Variants in ZNF541 observed in about 807,000 individuals in gnomAD.
ZNF541 encodes the protein zinc finger protein 541.
A neutral mutation model predicts 123.5 loss-of-function variants in ZNF541; 23 were observed. The ratio of observed to expected loss-of-function variants is 0.19; its 90% CI spans 0.13 to 0.26. ZNF541 has a LOEUF of 0.26. ZNF541 is among the 10% of genes least tolerant of loss of function. ZNF541 has a pLI of 1.00. For missense variants in ZNF541, 1,612 were observed against 1,789.9 expected, an observed-to-expected ratio of 0.90 and a Z score of 1.79; for synonymous variants, 751 against 754.5, an observed-to-expected ratio of 1.00 and a Z score of 0.08.
At chr19:47,562,411 G>T (rs540233548) in intron 2 of ZNF541, among the ~76,000 whole-genome samples, 1 of 151,778 alleles carries the variant, frequency 6.6e-6, no homozygotes, top group African/African-American at 2.4e-5. Context: ...GGGCGTGGTG[G>T]TGTGTGCCTG....
chr19:47,550,771 T>C (rs909367439), intron 3 of ZNF541, among the ~76,000 whole-genome samples: 3 of 151,926 alleles, frequency 2.0e-5, no homozygotes, highest in African/African-American at 7.3e-5. Flanking sequence ...CTCAGCCTAC[T>C]GAGTAGCTGG....
intron 14 of ZNF541, among the ~76,000 whole-genome samples, chr19:47,523,760 C>A (rs1969157425): frequency 6.6e-6 from 1 of 152,186 alleles, no homozygotes; most frequent in Non-Finnish European, 1.5e-5. Flanking sequence ...TTAGGCAGAA[C>A]CCAGCAGGAC....
intron 14 of ZNF541, 42 bp from the exon 15 acceptor site, chr19:47,522,036 G>GC (rs1190673740): frequency 2.6e-6 from 4 of 1,548,836 alleles, no homozygotes; most frequent in Non-Finnish European, 3.5e-6. Flanking sequence ...TGCCACGCGG[G>GC]CCCTGGGAGT....
chr19:47,562,500 T>C (rs780486570), intron 2 of ZNF541, among the ~76,000 whole-genome samples: 11 of 152,010 alleles, frequency 7.2e-5, no homozygotes, highest in Non-Finnish European at 1.6e-4. Context: ...GTTGAGATTG[T>C]GCCACTGCAC....
At chr19:47,553,930 A>G (rs1210382464) in intron 3 of ZNF541, among the ~76,000 whole-genome samples, 1 of 152,228 alleles carries the variant, frequency 6.6e-6, no homozygotes, top group East Asian at 1.9e-4. Flanking sequence ...CTCAACATGT[A>G]CAAAGTTGTT....
At chr19:47,532,326 A>G in intron 10 of ZNF541, 56 bp from the exon 11 acceptor site, 3 of 1,536,994 alleles carry the variant, frequency 2.0e-6, no homozygotes, top group Non-Finnish European at 2.6e-6. Flanking sequence ...TGAGATGGGA[A>G]GTGAAATGGA....
chr19:47,546,974 G>C (rs1568504644), intron 4 of ZNF541, among the ~76,000 whole-genome samples: 1 of 152,154 alleles, frequency 6.6e-6, no homozygotes, highest in Admixed American at 6.5e-5. Context: ...GCCTGCCTTG[G>C]CCTCCCAAAG....
At position 47,545,191 on chromosome 19, in the gene ZNF541, C is replaced by A; in HGVS notation, c.1338G>T (p.Glu446Asp). 1 of 1,518,994 alleles carries A rather than the reference C, an allele frequency of 6.6e-7. No individual in the cohort carries two copies. The highest frequency in any genetic ancestry group is 8.8e-7 in the Non-Finnish European group (1 of 1,131,630). The allele number at this position is 1,518,994 out of a possible 1,614,324, so 94.1% of individuals were successfully genotyped here. A position where few individuals can be genotyped will look rare whatever the true frequency, so the allele number is the denominator to read the frequency against. ...TTCCGCTGCTGGGTCCCGGGCCAGA[C>A]TCGGAGCCCTCCCGCGAGGGCACGG... ...PSAVPSREGSESGPGPSSGSP... is the reference protein window; with the variant it reads ...PSAVPSREGSDSGPGPSSGSP... The change falls in exon 5 of 17, where the codon GAG becomes GAT. Residue 446 changes from glutamate to aspartate, a missense_variant. Around this residue, in one of 5 missense-constraint regions of ZNF541, gnomAD observed 1,080 missense variants for 1,013.8 expected, o/e 1.07. Coordinates refer to ENST00000391901, the MANE Select transcript of ZNF541 (RefSeq NM_001277075.3). The surrounding 1 kb of genome is among the most constrained non-coding windows in gnomAD (Gnocchi z 7.5).
At chr19:47,525,381 G>GT (rs1033072869) in intron 14 of ZNF541, among the ~76,000 whole-genome samples, 576 of 150,038 alleles carry the variant, frequency 3.8e-3, no homozygotes, top group African/African-American at 0.013. Context: ...GTTTTGTTTT[G>GT]TTTTTTTTGG....
chr19:47,544,419 C>G lies in ZNF541; in HGVS notation c.2110G>C (p.Gly704Arg), dbSNP rs1970220336. ...PSTGQRQTQL[G>R]GEEPPGASLP... The stretch of plus-strand genomic sequence containing the variant: ...GAGGCTCCTGGTGGCTCCTCCCCAC[C>G]TAACTGGGTCTGCCGTTGGCCTGTG... The change falls in exon 5 of 17, where the codon GGT becomes CGT. Residue 704 changes from glycine (G) to arginine (R), a missense_variant. Gly to Arg is a moderately radical substitution (Grantham distance 125, BLOSUM62 -2). Transcript: ENST00000391901. 1 of 1,551,520 alleles carries G rather than the reference C, an allele frequency of 6.4e-7. No homozygotes were observed. The highest frequency in any genetic ancestry group is 8.7e-7 in the Non-Finnish European group (1 of 1,147,018).
rs1282835746 is a variant in ZNF541 at position 47,540,210 on chromosome 19, T to C, written c.2588A>G (p.Gln863Arg). ...CTGCTTCCCTCGAGGTGACGGCCAC[T>C]GGTCGCTGTGAAAACACATGTGGCT... is the stretch of plus-strand genomic sequence containing the variant. Reference protein sequence around the residue: ...LSSHMCFHSDQWPSPRGKQEP... With the variant: ...LSSHMCFHSDRWPSPRGKQEP... Residue 863 changes from glutamine to arginine, a missense_variant, in exon 7 of 17, where the codon CAG becomes CGG. By Grantham distance (43) the Gln-to-Arg change is conservative. Transcript: ENST00000391901. 3 of 1,551,612 alleles carry C rather than the reference T, an allele frequency of 1.9e-6. No homozygotes were observed. In the East Asian group the frequency reaches 7.3e-5, roughly 38 times the overall value.
Position 47,561,462 on chromosome 19 carries a change from A to T in ZNF541, c.-98-5508T>A, listed in dbSNP as rs183018413. On this transcript the variant is annotated intron_variant, in intron 2 of 16. Coordinates refer to ENST00000391901, the MANE Select transcript of ZNF541 (RefSeq NM_001277075.3). Reference sequence around the variant, plus strand: ...CAAAATAATTAATTAATTAAGTATTAAAAAAATTAAAAAATCCAAATGAAT... The same window carrying T: ...CAAAATAATTAATTAATTAAGTATTTAAAAAATTAAAAAATCCAAATGAAT... Among the ~76,000 whole-genome samples the T allele has an allele frequency of 2.0e-4, 31 of 151,880 alleles. 1 individual carries two copies. The South Asian group carries it at 5.2e-3, about 25-fold the overall frequency.
Position 47,522,159 on chromosome 19 carries a change from T to C in ZNF541, c.3571-165A>G, listed in dbSNP as rs190066249. On this transcript the variant is annotated intron_variant, in intron 14 of 16. Coordinates refer to ENST00000391901, the MANE Select transcript of ZNF541 (RefSeq NM_001277075.3). The stretch of plus-strand genomic sequence containing the variant: ...AGGCACAGGACCACAAAATCCTTCC[T>C]GGGGACGAGGGCGTTCAAACTGGAG... Among the ~76,000 whole-genome samples the C allele has an allele frequency of 2.7e-3, 407 of 152,264 alleles. 2 individuals carry two copies. Among genetic ancestry groups the C allele is most frequent in the African/African-American group, 9.0e-3 (375 of 41,554 alleles).
chr19:47,540,270 C>A lies in ZNF541; in HGVS notation c.2528G>T (p.Cys843Phe). The change falls in exon 7 of 17, where the codon TGC (cysteine) becomes TTC (phenylalanine). Residue 843 changes from cysteine to phenylalanine, a missense_variant. Cys to Phe is a radical substitution (Grantham distance 205, BLOSUM62 -2). Transcript: ENST00000391901. ...TTTCTCCGTATAAAACATCTGGCTG[C>A]AGTTCTTGCAGACAAAAGTGCTCCT... is the stretch of plus-strand genomic sequence containing the variant. ...KPRSTFVCKN[C>F]SQMFYTEKGL... 6.4e-7 allele frequency: 1 copy of A among 1,551,932 alleles called. No individual in the cohort carries two copies. The highest frequency in any genetic ancestry group is 8.7e-7 in the Non-Finnish European group (1 of 1,147,048).
intron 14 of ZNF541, among the ~76,000 whole-genome samples, chr19:47,523,630 A>G (rs1969151673): frequency 6.6e-6 from 1 of 152,180 alleles, no homozygotes; most frequent in Non-Finnish European, 1.5e-5. Flanking sequence ...AATATAAACA[A>G]TGTTTGGCAA....
intron 5 of ZNF541, among the ~76,000 whole-genome samples, chr19:47,541,373 T>C (rs2123089419): frequency 6.6e-6 from 1 of 151,986 alleles, no homozygotes; most frequent in South Asian, 2.1e-4. Flanking sequence ...GCCATGATCG[T>C]ACAACTTCAC....
chr19:47,569,357 G>C (rs1440081972), intron 2 of ZNF541, among the ~76,000 whole-genome samples: 1 of 152,000 alleles, frequency 6.6e-6, no homozygotes, highest in African/African-American at 2.4e-5. Context: ...CACAATACTT[G>C]AGGCATATAC....
chr19:47,525,012 C>T (rs1012855484), intron 14 of ZNF541, among the ~76,000 whole-genome samples: 7 of 151,984 alleles, frequency 4.6e-5, no homozygotes, highest in African/African-American at 9.7e-5. Flanking sequence ...TGGCTGGGTG[C>T]GGTGGCTCAC....
chr19:47,545,955 T>G lies in ZNF541; in HGVS notation c.574A>C (p.Lys192Gln). 4.0e-6 allele frequency: 6 copies of G among 1,493,100 alleles called. No homozygotes were observed. Among genetic ancestry groups the G allele is most frequent in the South Asian group, 1.3e-5 (1 of 76,496 alleles). The allele number at this position is 1,493,100 out of a possible 1,614,324, so 92.5% of individuals were successfully genotyped here. A position where few individuals can be genotyped will look rare whatever the true frequency, so the allele number is the denominator to read the frequency against. Residue 192 changes from lysine (K) to glutamine (Q), a missense_variant, in exon 5 of 17, where the codon AAG becomes CAG. Physicochemically the swap from Lys to Gln is moderately conservative, Grantham distance 53. Coordinates refer to ENST00000391901, the MANE Select transcript of ZNF541 (RefSeq NM_001277075.3). This position sits in a 1 kb window ranked among gnomAD's most constrained non-coding sequence, Gnocchi z 7.5. ...HLTGHMLTHQ[K>Q]TKPFVCIEQG... ...TCGATGCACACGAAGGGCTTTGTCT[T>G]CTGGTGGGTGAGCATGTGCCCGGTC...
Sources: allele counts gnomAD v4.1 joint callset (sites outside exome capture counted in the v4.1 genomes callset), GRCh38; gene constraint gnomAD v4.1.1; regional missense constraint gnomAD v4.1.1; non-coding constraint Gnocchi (gnomAD v3.1); transcripts MANE v1.5; gene names NCBI Gene and HGNC (gene_info 2026-07-23, HGNC 2026-07-21).